NKAIN2: variants seen among roughly 807,000 people sequenced by gnomAD.
The protein encoded by NKAIN2 is sodium/potassium transporting ATPase interacting 2.
In NKAIN2, 14 loss-of-function variants were observed where a neutral mutation model predicts 32.6. That is an observed-to-expected ratio of 0.43 (90% CI 0.28 to 0.67). NKAIN2 has a LOEUF of 0.67. Ranked by LOEUF, NKAIN2 falls within the 30% of genes least tolerant of loss-of-function variation. The probability of loss-of-function intolerance (pLI) is 0.17; values close to 1 mark genes in which losing one functional copy is unlikely to be tolerated. For missense variants in NKAIN2, 198 were observed against 258.3 expected (o/e 0.77, Z 1.60); for synonymous variants, 80 against 87.2 (o/e 0.92, Z 0.46).
At chr6:123,825,067 G>T (rs577232889) in intron 1 of NKAIN2, among the ~76,000 whole-genome samples, 1 of 152,290 alleles carries the variant, frequency 6.6e-6, no homozygotes, top group East Asian at 1.9e-4. Flanking sequence ...CTGATTTCTA[G>T]TTCATAAATG....
intron 1 of NKAIN2, among the ~76,000 whole-genome samples, chr6:123,976,286 TATATATGTTTCCATATATATGTTTC>T (rs1778577888): frequency 1.7e-5 from 2 of 117,136 alleles, no homozygotes; most frequent in African/African-American, 3.2e-5. Context: ...TATGTTTCCA[TATATATGTTTCCATATATATGTTTC>T]CATATATATA....
intron 1 of NKAIN2, among the ~76,000 whole-genome samples, chr6:124,272,702 T>C (rs547908259): frequency 6.6e-6 from 1 of 152,280 alleles, no homozygotes; most frequent in South Asian, 2.1e-4. Flanking sequence ...GCTTGCACCA[T>C]GCACCTGGAA....
At chr6:123,856,033 C>A (rs370668881) in intron 1 of NKAIN2, among the ~76,000 whole-genome samples, 3 of 152,116 alleles carry the variant, frequency 2.0e-5, no homozygotes, top group Non-Finnish European at 2.9e-5. Context: ...TTAAAAACAC[C>A]AAACTGGGAA....
At chr6:124,784,562 C>G (rs932112407) in intron 4 of NKAIN2, among the ~76,000 whole-genome samples, 1 of 152,032 alleles carries the variant, frequency 6.6e-6, no homozygotes, top group Non-Finnish European at 1.5e-5. Context: ...ATCAGTCATC[C>G]CTTCCTTTTT....
At chr6:123,824,596 T>C (rs965999490) in intron 1 of NKAIN2, among the ~76,000 whole-genome samples, 1 of 151,894 alleles carries the variant, frequency 6.6e-6, no homozygotes, top group Non-Finnish European at 1.5e-5. Context: ...CCATAGAGCA[T>C]TAGGACAAAT....
chr6:123,976,369 TCCC>T (rs1562287720), intron 1 of NKAIN2, among the ~76,000 whole-genome samples: 24 of 6,608 alleles, frequency 3.6e-3, no homozygotes, highest in Admixed American at 8.6e-3. Flanking sequence ...ATATATATAT[TCCC>T]ATATATATAT....
intron 1 of NKAIN2, among the ~76,000 whole-genome samples, chr6:124,245,849 A>G (rs962336750): frequency 6.6e-6 from 1 of 152,110 alleles, no homozygotes; most frequent in African/African-American, 2.4e-5. Context: ...TATGTATGTT[A>G]TAAATTTGTT....
chr6:124,456,709 T>C (rs1307239268), intron 3 of NKAIN2, among the ~76,000 whole-genome samples: 2 of 151,976 alleles, frequency 1.3e-5, no homozygotes, highest in Non-Finnish European at 2.9e-5. Flanking sequence ...CCGTGAACAT[T>C]TTCTTTTAGA....
chr6:124,466,197 C>A (rs1776747533), intron 3 of NKAIN2, among the ~76,000 whole-genome samples: 1 of 152,048 alleles, frequency 6.6e-6, no homozygotes, highest in Non-Finnish European at 1.5e-5. Flanking sequence ...CAAATAAGTT[C>A]TTCTCCAAGT....
At chr6:124,246,715 T>C (rs1003964835) in intron 1 of NKAIN2, among the ~76,000 whole-genome samples, 2 of 152,066 alleles carry the variant, frequency 1.3e-5, no homozygotes, top group Non-Finnish European at 2.9e-5. Context: ...TGTCGATTGT[T>C]TCAGCACTGA....
chr6:124,196,424 A>T (rs1235550613), intron 1 of NKAIN2, among the ~76,000 whole-genome samples: 1 of 152,084 alleles, frequency 6.6e-6, no homozygotes, highest in African/African-American at 2.4e-5. Context: ...GTTTACAGAG[A>T]TTTTAAAAAT....
At chr6:124,752,561 G>GTA (rs1777773837) in intron 4 of NKAIN2, among the ~76,000 whole-genome samples, 1 of 151,794 alleles carries the variant, frequency 6.6e-6, no homozygotes, top group Non-Finnish European at 1.5e-5. Context: ...GTGTGTGTGT[G>GTA]TATACATGCC....
intron 4 of NKAIN2, among the ~76,000 whole-genome samples, chr6:124,726,463 G>C (rs530697079): frequency 1.3e-5 from 2 of 151,790 alleles, no homozygotes; most frequent in African/African-American, 4.8e-5. Context: ...CACCTCACAC[G>C]GCAGGGTATT....
chr6:124,785,743 CA>C (rs1779471067), intron 4 of NKAIN2, among the ~76,000 whole-genome samples: 1 of 152,150 alleles, frequency 6.6e-6, no homozygotes, highest in Non-Finnish European at 1.5e-5. Context: ...ATTACTGCTC[CA>C]AGGTGGCTTT....
At chr6:124,383,689 T>C (rs1435953456) in intron 3 of NKAIN2, among the ~76,000 whole-genome samples, 1 of 152,226 alleles carries the variant, frequency 6.6e-6, no homozygotes, top group Non-Finnish European at 1.5e-5. Flanking sequence ...TCCACTTCTG[T>C]ACTAGCACCT....
chr6:124,643,485 T>C (rs537754398), intron 3 of NKAIN2, among the ~76,000 whole-genome samples: 19 of 152,302 alleles, frequency 1.2e-4, no homozygotes, highest in African/African-American at 3.8e-4. Context: ...ACATCACTTA[T>C]TAAGTACTTA....
At chr6:123,999,467 A>G (rs1779785663) in intron 1 of NKAIN2, among the ~76,000 whole-genome samples, 1 of 152,152 alleles carries the variant, frequency 6.6e-6, no homozygotes, top group African/African-American at 2.4e-5. Flanking sequence ...TGAAATTCCT[A>G]CAAGTTGAGA....
chr6:124,153,262 A>G (rs1297900908), intron 1 of NKAIN2, among the ~76,000 whole-genome samples: 1 of 151,874 alleles, frequency 6.6e-6, no homozygotes, highest in Non-Finnish European at 1.5e-5. Flanking sequence ...GCAACCCCAG[A>G]ATGCATCAAC....
At chr6:124,708,581 G>A (rs1223619977) in intron 4 of NKAIN2, among the ~76,000 whole-genome samples, 4 of 151,318 alleles carry the variant, frequency 2.6e-5, no homozygotes, top group Admixed American at 6.6e-5. Flanking sequence ...TGGATTCCTA[G>A]GTATTTTATT....
Sources: gnomAD v4.1 joint callset for allele counts (sites outside exome capture counted in the v4.1 genomes callset) on GRCh38, gnomAD v4.1.1 for gene constraint, MANE v1.5 for transcripts, NCBI Gene and HGNC (gene_info 2026-07-23, HGNC 2026-07-21) for gene names.